GPR160: variants seen among roughly 807,000 people sequenced by gnomAD.
The protein encoded by GPR160 is G protein-coupled receptor 160.
A neutral mutation model predicts 2.6 loss-of-function variants in GPR160; 2 were observed. That is an observed-to-expected ratio of 0.77 (90% confidence interval 0.32 to 2.44). The LOEUF (loss-of-function observed/expected upper bound fraction) is 2.44. Among genes scored for constraint, GPR160 ranks in the 30% most tolerant of loss-of-function variants. GPR160 has a pLI of 0.11. For missense variants in GPR160, 351 were observed against 383.6 expected, an observed-to-expected ratio of 0.91 and a Z score of 0.71; for synonymous variants, 130 against 132.2, an observed-to-expected ratio of 0.98 and a Z score of 0.12.
intron 2 of GPR160, chr3:170,062,717 GA>G: frequency 7.5e-7 from 1 of 1,328,630 alleles, no homozygotes; most frequent in Non-Finnish European, 1.1e-6. Flanking sequence ...AAAGCTCAAG[GA>G]AAAGTCGCAA....
chr3:170,042,404 G>C (rs1716488614), intron 2 of GPR160, among the ~76,000 whole-genome samples: 1 of 135,642 alleles, frequency 7.4e-6, no homozygotes, highest in East Asian at 2.2e-4. Flanking sequence ...CTGGGTGACA[G>C]AGCAAGATAC....
At chr3:170,066,181 C>T (rs1410404531) in intron 2 of GPR160, among the ~76,000 whole-genome samples, 1 of 118,240 alleles carries the variant, frequency 8.5e-6, no homozygotes, top group Non-Finnish European at 1.6e-5. Context: ...CGCTCTGTCA[C>T]CCAGGCTGGA....
Position 170,084,279 on chromosome 3 carries a change from T to C in GPR160, c.307T>C (p.Phe103Leu). ...HICLFTQIIS[F>L]TYGFLHYPVF... The stretch of plus-strand genomic sequence containing the variant: ...CTGCCTATTTACTCAAATTATTTCC[T>C]TTACTTATGGCTTTTTGCATTATCC... The change falls in exon 4 of 4, where the codon TTT becomes CTT. Residue 103 changes from phenylalanine (F) to leucine (L), a missense_variant. By Grantham distance (22) the Phe-to-Leu change is conservative (BLOSUM62 0). Transcript: ENST00000355897. 1 of 1,609,184 alleles carries C rather than the reference T, an allele frequency of 6.2e-7. No homozygotes were observed. The highest frequency in any genetic ancestry group is 8.5e-7 in the Non-Finnish European group (1 of 1,176,204).
intron 2 of GPR160, among the ~76,000 whole-genome samples, chr3:170,045,305 C>G (rs1049262701): frequency 1.4e-5 from 2 of 147,076 alleles, no homozygotes; most frequent in African/African-American, 5.0e-5. Context: ...TGGCTCACAC[C>G]TGTAATCCCA....
chr3:170,078,036 G>GA (rs1712952708), intron 2 of GPR160: 1 of 152,316 alleles, frequency 6.6e-6, no homozygotes, highest in South Asian at 2.1e-4. Context: ...TTACTCAACA[G>GA]AAACAGCATA....
chr3:170,060,084 G>T (rs979744773), intron 2 of GPR160, among the ~76,000 whole-genome samples: 3 of 151,958 alleles, frequency 2.0e-5, no homozygotes, highest in African/African-American at 4.8e-5. Flanking sequence ...GAAAAAAAAT[G>T]ACCAGAAGTA....
chr3:170,043,344 G>C (rs1408372901), intron 2 of GPR160, among the ~76,000 whole-genome samples: 2 of 152,002 alleles, frequency 1.3e-5, no homozygotes. Context: ...ACCATGCCTG[G>C]CTAATTTTTG....
intron 2 of GPR160, among the ~76,000 whole-genome samples, chr3:170,076,701 G>C (rs1357444882): frequency 6.6e-6 from 1 of 151,902 alleles, no homozygotes; most frequent in South Asian, 2.1e-4. Flanking sequence ...CCGCCACCAC[G>C]CCTGGCTAAT....
At chr3:170,072,614 G>A (rs1003632116) in intron 2 of GPR160, among the ~76,000 whole-genome samples, 1 of 152,164 alleles carries the variant, frequency 6.6e-6, no homozygotes, top group African/African-American at 2.4e-5. Flanking sequence ...GGAAGGCAGA[G>A]GGGGAGCAGG....
At chr3:170,045,430 A>C (rs1427329233) in intron 2 of GPR160, among the ~76,000 whole-genome samples, 3 of 133,470 alleles carry the variant, frequency 2.2e-5, no homozygotes, top group African/African-American at 9.1e-5. Context: ...AAAAAAAAAA[A>C]AAAAAAAAAA....
At position 170,084,778 on chromosome 3, in the gene GPR160, TTC is replaced by T; in HGVS notation, c.807_808del (p.Pro270SerfsTer4). 2 of 1,604,560 alleles carry T rather than the reference TTC, an allele frequency of 1.2e-6. No individual in the cohort carries two copies. Among genetic ancestry groups the T allele is most frequent in the Non-Finnish European group, 1.7e-6 (2 of 1,171,640 alleles). ...ATCATTGTTTTACTTAAAGTTCAGA[TTC>T]CAGCATATATTGAGATGAATATTCC... On this transcript the variant is annotated frameshift_variant, in exon 4 of 4. Transcript: ENST00000355897. LOFTEE classifies it high-confidence loss of function.
chr3:170,072,522 G>A (rs1054144213), intron 2 of GPR160, among the ~76,000 whole-genome samples: 1 of 152,136 alleles, frequency 6.6e-6, no homozygotes, highest in Admixed American at 6.5e-5. Flanking sequence ...GGTTTATTTG[G>A]CTCATGGTTC....
chr3:170,053,075 CA>C (rs113377073), intron 2 of GPR160, among the ~76,000 whole-genome samples: 24,464 of 152,048 alleles, frequency 0.16, 2,248 homozygotes, highest in East Asian at 0.25. Context: ...GTCTTGAAAT[CA>C]GGTAGTGTAA....
intron 2 of GPR160, among the ~76,000 whole-genome samples, chr3:170,076,109 G>A (rs991189034): frequency 6.6e-6 from 1 of 152,126 alleles, no homozygotes; most frequent in African/African-American, 2.4e-5. Context: ...TGGTTATAGT[G>A]GTTGTATCTA....
intron 2 of GPR160, among the ~76,000 whole-genome samples, chr3:170,044,608 C>A (rs1716620783): frequency 1.3e-5 from 2 of 152,110 alleles, no homozygotes; most frequent in Non-Finnish European, 2.9e-5. Context: ...TCTTGTGCAC[C>A]TTGGCGGTTC....
rs1716325296 is a variant in GPR160, at chr3:170,038,966, A to G, written c.-270A>G. On this transcript the variant is annotated 5_prime_UTR_variant, in exon 2 of 4. Coordinates refer to ENST00000355897, the MANE Select transcript of GPR160 (RefSeq NM_014373.3). This position sits in a 1 kb window ranked among gnomAD's most constrained non-coding sequence, Gnocchi z 5.3. ...CCCCCTGCAGTCCGGAGACGAACGCACGGACCGGGCCTCCGGAGGCAGGTT... is the reference window on the plus strand; with the variant it reads ...CCCCCTGCAGTCCGGAGACGAACGCGCGGACCGGGCCTCCGGAGGCAGGTT... 6.6e-6 allele frequency: 1 copy of G among 151,934 alleles called. No individual in the cohort carries two copies. The highest frequency in any genetic ancestry group is 2.1e-4 in the South Asian group (1 of 4,814). 9.4% of individuals were successfully genotyped at this position (151,934 alleles called of 1,614,324 possible).
chr3:170,082,004 C>A lies in GPR160; in HGVS notation c.-68-1901C>A, dbSNP rs146838711. Among the ~76,000 whole-genome samples, 27 of 152,264 alleles carry A rather than the reference C, an allele frequency of 1.8e-4. No homozygotes were observed. The East Asian group carries it at 4.2e-3, about 24-fold the overall frequency. On this transcript the variant is annotated intron_variant, in intron 3 of 3. Transcript: ENST00000355897. ...TATTTGGGTTGATTCCATGTTTTTA[C>A]TATTGTCACACTGATTTATCTTCAG...
chr3:170,060,062 A>G (rs1358253750), intron 2 of GPR160, among the ~76,000 whole-genome samples: 1 of 152,182 alleles, frequency 6.6e-6, no homozygotes, highest in African/African-American at 2.4e-5. Context: ...CCTAAAAAAA[A>G]CAGGGCTCCT....
intron 2 of GPR160, among the ~76,000 whole-genome samples, chr3:170,051,673 C>T (rs1428666019): frequency 1.3e-5 from 2 of 152,142 alleles, no homozygotes; most frequent in Admixed American, 6.5e-5. Flanking sequence ...TGCAGTGACC[C>T]AGGATCGTAC....
Sources: gnomAD v4.1 joint callset for allele counts (sites outside exome capture counted in the v4.1 genomes callset) on GRCh38, gnomAD v4.1.1 for gene constraint, Gnocchi (gnomAD v3.1) non-coding constraint, MANE v1.5 for transcripts, NCBI Gene and HGNC (gene_info 2026-07-23, HGNC 2026-07-21) for gene names.